The following CHPT1 variants were observed in gnomAD, a reference collection of about 807,000 sequenced individuals.
The protein encoded by CHPT1 is cholinephosphotransferase 1.
A neutral mutation model predicts 47.6 loss-of-function variants in CHPT1; 36 were observed. The ratio of observed to expected loss-of-function variants is 0.76; its 90% CI spans 0.58 to 1.00. CHPT1 has a LOEUF of 1.00. CHPT1 is among the 50% of genes least tolerant of loss of function. The pLI, the probability that CHPT1 is intolerant of heterozygous loss-of-function variation, is 0.00. For synonymous variants in CHPT1, 194 were observed against 186.3 expected, an observed-to-expected ratio of 1.04 and a Z score of -0.33; for missense variants, 458 against 498.1, an observed-to-expected ratio of 0.92 and a Z score of 0.77.
intron 1 of CHPT1, among the ~76,000 whole-genome samples, chr12:101,707,344 A>C (rs1197856158): frequency 5.3e-5 from 8 of 152,204 alleles, no homozygotes; most frequent in Non-Finnish European, 1.2e-4. Flanking sequence ...TGCTGCAAAG[A>C]GACTCTTATC....
chr12:101,702,133 T>G (rs1168735364), intron 1 of CHPT1, among the ~76,000 whole-genome samples: 1 of 152,190 alleles, frequency 6.6e-6, no homozygotes, highest in Non-Finnish European at 1.5e-5. Context: ...ACTCCTACAT[T>G]TATATATGTG....
intron 4 of CHPT1, among the ~76,000 whole-genome samples, chr12:101,718,639 G>A (rs1314950244): frequency 6.7e-6 from 1 of 148,370 alleles, no homozygotes; most frequent in Non-Finnish European, 1.5e-5. Context: ...ACTCCTGCCT[G>A]AGTGACACAG....
At chr12:101,713,066 G>GA (rs1168774597) in intron 1 of CHPT1, among the ~76,000 whole-genome samples, 1 of 148,280 alleles carries the variant, frequency 6.7e-6, no homozygotes, top group Non-Finnish European at 1.5e-5. Context: ...TCCTTTTGAG[G>GA]CTGGATTTTA....
chr12:101,710,484 C>G (rs1951690697), intron 1 of CHPT1, among the ~76,000 whole-genome samples: 1 of 149,110 alleles, frequency 6.7e-6, no homozygotes, highest in Non-Finnish European at 1.5e-5. Context: ...CTTTCACTTT[C>G]AGTCAGAAAC....
At chr12:101,724,218 CAA>C (rs36006364) in intron 7 of CHPT1, among the ~76,000 whole-genome samples, 18 of 77,116 alleles carry the variant, frequency 2.3e-4, no homozygotes, top group African/African-American at 2.1e-4. Flanking sequence ...GACTGTGTCT[CAA>C]AAAAAAAAAA....
chr12:101,701,044 AC>A (rs1307824661), intron 1 of CHPT1, among the ~76,000 whole-genome samples: 1 of 152,202 alleles, frequency 6.6e-6, no homozygotes, highest in East Asian at 1.9e-4. Context: ...AACATTTGAT[AC>A]GTTTTTAAGC....
At chr12:101,699,603 G>A (rs1951523166) in intron 1 of CHPT1, among the ~76,000 whole-genome samples, 1 of 152,084 alleles carries the variant, frequency 6.6e-6, no homozygotes, top group African/African-American at 2.4e-5. Flanking sequence ...GGCCAGGCTG[G>A]TCTCGAACTC....
rs572072692 is a variant in CHPT1, at chr12:101,717,349, C to T, written c.648+537C>T. The T allele has an allele frequency of 8.5e-4, 382 of 450,406 alleles. 2 individuals are homozygous for T. Among genetic ancestry groups the T allele is most frequent in the Admixed American group, 1.4e-3 (58 of 41,926 alleles). The allele number at this position is 450,406 out of a possible 1,614,324, so 27.9% of individuals were successfully genotyped here. On this transcript the variant is annotated intron_variant, in intron 4 of 8. Coordinates refer to ENST00000229266, the MANE Select transcript of CHPT1 (RefSeq NM_020244.3). ...ACTGTCATAAATTCAAGCTTTTTTG[C>T]AAAAGAAGAACATTTCTGAAGAAAC...
intron 1 of CHPT1, among the ~76,000 whole-genome samples, chr12:101,709,133 C>T (rs1951671503): frequency 6.7e-6 from 1 of 148,344 alleles, no homozygotes; most frequent in Non-Finnish European, 1.5e-5. Flanking sequence ...CGGTGGCACT[C>T]GCCTATAATC....
At chr12:101,717,850 A>G (rs1951788146) in intron 4 of CHPT1, among the ~76,000 whole-genome samples, 1 of 152,206 alleles carries the variant, frequency 6.6e-6, no homozygotes, top group Non-Finnish European at 1.5e-5. Context: ...CTTTATTCAT[A>G]ATTGCCAAAA....
intron 8 of CHPT1, 78 bp downstream of exon 8, chr12:101,726,482 TCCC>T: frequency 1.3e-6 from 2 of 1,569,528 alleles, no homozygotes; most frequent in Admixed American, 3.6e-5. Context: ...GTGAAGGAAA[TCCC>T]CCTGTGCAGG....
At chr12:101,701,566 A>T (rs1337808413) in intron 1 of CHPT1, among the ~76,000 whole-genome samples, 1 of 152,202 alleles carries the variant, frequency 6.6e-6, no homozygotes, top group Admixed American at 6.5e-5. Context: ...GGGGGCCAGG[A>T]TTCCAAGCCA....
chr12:101,727,672 A>ACTT (rs1196975901), intron 8 of CHPT1: 5 of 152,152 alleles, frequency 3.3e-5, no homozygotes, highest in African/African-American at 1.2e-4. Context: ...TATTGGTAAA[A>ACTT]CTTCCCAAAT....
At chr12:101,701,437 T>C (rs2136997365) in intron 1 of CHPT1, among the ~76,000 whole-genome samples, 1 of 152,336 alleles carries the variant, frequency 6.6e-6, no homozygotes, top group Middle Eastern at 3.4e-3. Flanking sequence ...TAAGTCACTT[T>C]TATTCTTTCA....
At chr12:101,717,328 T>C in intron 4 of CHPT1, 2 of 452,546 alleles carry the variant, frequency 4.4e-6, no homozygotes, top group South Asian at 3.1e-5. Flanking sequence ...GAGGCCACTG[T>C]CATAAATTCA....
Position 101,716,815 on chromosome 12 carries a change from A to G in CHPT1, c.648+3A>G, listed in dbSNP as rs1951769564. The G allele has an allele frequency of 6.6e-7, 1 of 1,519,912 alleles. No homozygotes were observed. The highest frequency in any genetic ancestry group is 2.3e-5 in the East Asian group (1 of 43,558). 94.2% of individuals were successfully genotyped at this position (1,519,912 alleles called of 1,614,324 possible). On this transcript the variant is annotated splice_donor_region_variant and intron_variant, in intron 4 of 8. Transcript: ENST00000229266. ...GAGCAACAATGTGGGACTATACGGT[A>G]AATCTGAATATTTAAATTTATATTT...
chr12:101,728,610 A>G (rs1952036837), intron 8 of CHPT1: 1 of 286,924 alleles, frequency 3.5e-6, no homozygotes, highest in African/African-American at 2.2e-5. Context: ...TTGGTTTTCT[A>G]CCTTTTGGGA....
At chr12:101,717,656 TAAAC>T (rs1329362029) in intron 4 of CHPT1, among the ~76,000 whole-genome samples, 2 of 152,162 alleles carry the variant, frequency 1.3e-5, no homozygotes, top group Non-Finnish European at 2.9e-5. Flanking sequence ...AGCTAGGAAT[TAAAC>T]AGACTGATTC....
intron 4 of CHPT1, chr12:101,719,763 A>G (rs1951819230): frequency 4.1e-6 from 1 of 245,002 alleles, no homozygotes; most frequent in African/African-American, 2.4e-5. Flanking sequence ...TGGTGGATTC[A>G]TCTTTCACTT....
Sources: allele counts gnomAD v4.1 joint callset (sites outside exome capture counted in the v4.1 genomes callset), GRCh38; gene constraint gnomAD v4.1.1; transcripts MANE v1.5; gene names NCBI Gene and HGNC (gene_info 2026-07-23, HGNC 2026-07-21).